ABI3BP: variants seen among roughly 807,000 people sequenced by gnomAD.
ABI3BP encodes the protein target of Nesh-SH3.
A neutral mutation model predicts 268.6 loss-of-function variants in ABI3BP; 216 were observed. The ratio of observed to expected loss-of-function variants is 0.80; its 90% CI spans 0.72 to 0.90. ABI3BP has a LOEUF of 0.90. Among genes scored for constraint, ABI3BP ranks in the 40% least tolerant of loss-of-function variants. ABI3BP has a pLI of 0.00. For missense variants in ABI3BP, 2,090 were observed against 2,182.4 expected, an observed-to-expected ratio of 0.96 and a Z score of 0.84; for synonymous variants, 730 against 730.0, an observed-to-expected ratio of 1.00 and a Z score of 0.00.
intron 4 of ABI3BP, among the ~76,000 whole-genome samples, chr3:100,888,157 G>A (rs771148752): frequency 9.9e-5 from 15 of 152,004 alleles, no homozygotes; most frequent in Non-Finnish European, 1.9e-4. Flanking sequence ...TGTGCTCAGG[G>A]CTCCATTCCC....
intron 60 of ABI3BP, 122 bp downstream of exon 60, chr3:100,775,085 A>C: frequency 8.8e-7 from 1 of 1,142,294 alleles, no homozygotes; most frequent in East Asian, 2.6e-5. Flanking sequence ...AAACAACCAT[A>C]TTAATCATAA....
chr3:100,781,474 G>A (rs551686397), intron 57 of ABI3BP, among the ~76,000 whole-genome samples: 101 of 152,244 alleles, frequency 6.6e-4, no homozygotes, highest in African/African-American at 2.1e-3. Context: ...AATGACTTTT[G>A]TGACTAATCT....
intron 41 of ABI3BP, among the ~76,000 whole-genome samples, chr3:100,818,236 G>A (rs989611249): frequency 2.0e-5 from 3 of 152,166 alleles, no homozygotes; most frequent in Non-Finnish European, 4.4e-5. Flanking sequence ...ATAGAGATTC[G>A]TGCTTGAAAT....
In ABI3BP at chr3:100,830,612, T is replaced by G. The variant is rs972988713; in HGVS notation, c.2424A>C (p.Pro808=). The G allele has an allele frequency of 1.0e-5, 16 of 1,533,226 alleles. No individual in the cohort carries two copies. Among genetic ancestry groups the G allele is most frequent in the African/African-American group, 1.4e-5 (1 of 72,954 alleles). The allele number at this position is 1,533,226 out of a possible 1,614,324, so 95.0% of individuals were successfully genotyped here. The part of the protein sequence containing the change: ...TKLVPATILE[P]VLRTEASGTT... The stretch of plus-strand genomic sequence containing the variant: ...TCCCTGAAGCCTCAGTTCTAAGAAC[T>G]GGTTCGAGGATTGTGGCAGGAACTG... The change falls in exon 32 of 68, where the codon CCA becomes CCC. Residue 808 remains proline (P), a synonymous_variant. Transcript: ENST00000471714.
Position 100,884,664 on chromosome 3 carries a change from T to G in ABI3BP, c.696+872A>C, listed in dbSNP as rs554923590. Among the ~76,000 whole-genome samples, 242 of 152,136 alleles carry G rather than the reference T, an allele frequency of 1.6e-3. 1 individual carries two copies. The highest frequency in any genetic ancestry group is 2.8e-3 in the Non-Finnish European group (187 of 67,970). The stretch of plus-strand genomic sequence containing the variant: ...TTCAGCCACACACCTCAAGCACACA[T>G]CTCAGAGAGCAAAATTCCACCCACA... On this transcript the variant is annotated intron_variant, in intron 6 of 67. Transcript: ENST00000471714.
At chr3:100,925,040 A>G (rs1156938460) in intron 2 of ABI3BP, among the ~76,000 whole-genome samples, 1 of 152,140 alleles carries the variant, frequency 6.6e-6, no homozygotes, top group Non-Finnish European at 1.5e-5. Context: ...GTGTTATTAC[A>G]TTTGTCAGAA....
At chr3:100,893,050 T>C (rs1337063206) in intron 4 of ABI3BP, among the ~76,000 whole-genome samples, 1 of 152,176 alleles carries the variant, frequency 6.6e-6, no homozygotes, top group Admixed American at 6.5e-5. Context: ...CACCATCTAA[T>C]CAGCTGACAG....
At chr3:100,849,282 G>A (rs1421980591) in intron 17 of ABI3BP, among the ~76,000 whole-genome samples, 4 of 143,840 alleles carry the variant, frequency 2.8e-5, no homozygotes, top group Non-Finnish European at 4.5e-5. Context: ...GCTGGAGTGC[G>A]TGGCGCAACC....
chr3:100,818,524 C>A lies in ABI3BP; in HGVS notation c.3088+1G>T. On this transcript the variant is annotated splice_donor_variant, in intron 41 of 67. Coordinates refer to ENST00000471714, the MANE Select transcript of ABI3BP (RefSeq NM_001375547.2). LOFTEE classifies it high-confidence loss of function. ...ATTTGAAGGACACACATTCTCATTA[C>A]CCATGGTTTTTGGAGCTTCAGTTCT... 1 of 1,533,976 alleles carries A rather than the reference C, an allele frequency of 6.5e-7. No homozygotes were observed. The highest frequency in any genetic ancestry group is 8.7e-7 in the Non-Finnish European group (1 of 1,145,066).
intron 57 of ABI3BP, among the ~76,000 whole-genome samples, chr3:100,783,052 TG>T (rs2096916266): frequency 6.6e-6 from 1 of 152,182 alleles, no homozygotes; most frequent in Non-Finnish European, 1.5e-5. Context: ...AGTAACAATT[TG>T]GGTATTTTTA....
At chr3:100,957,040 A>C (rs1002501182) in intron 1 of ABI3BP, among the ~76,000 whole-genome samples, 2 of 152,166 alleles carry the variant, frequency 1.3e-5, no homozygotes, top group Non-Finnish European at 2.9e-5. Flanking sequence ...GAAATGATTA[A>C]AATCTGATTT....
chr3:100,871,747 C>T (rs954389937), intron 9 of ABI3BP, among the ~76,000 whole-genome samples: 1 of 152,164 alleles, frequency 6.6e-6, no homozygotes, highest in Non-Finnish European at 1.5e-5. Flanking sequence ...TGTCCAGTCT[C>T]GGGTATATCT....
chr3:100,758,524 T>C (rs1336963766), intron 63 of ABI3BP, among the ~76,000 whole-genome samples: 1 of 152,196 alleles, frequency 6.6e-6, no homozygotes, highest in African/African-American at 2.4e-5. Flanking sequence ...ACACACTTGC[T>C]TTTTGCTTGT....
At chr3:100,823,550 A>T in intron 36 of ABI3BP, 36 bp from the exon 37 acceptor site, 1 of 1,495,998 alleles carries the variant, frequency 6.7e-7, no homozygotes, top group Non-Finnish European at 8.9e-7. Flanking sequence ...AGAGATTTTT[A>T]AACATATGAG....
chr3:100,840,137 C>G lies in ABI3BP; in HGVS notation c.1832G>C (p.Arg611Pro). Residue 611 changes from arginine to proline, a missense_variant, in exon 23 of 68, where the codon CGT becomes CCT. Coordinates refer to ENST00000471714, the MANE Select transcript of ABI3BP (RefSeq NM_001375547.2). ...AGGGCGGGGACGGGGGCGGGGGCGA[C>G]GACCTGGTCTTTTGGTCTTTCGTGG... ...LAPRKTKRPG[R>P]RPRPRPRPKT... 1.3e-6 allele frequency: 2 copies of G among 1,531,964 alleles called. No homozygotes were observed. The highest frequency in any genetic ancestry group is 1.7e-6 in the Non-Finnish European group (2 of 1,145,032). The allele number at this position is 1,531,964 out of a possible 1,614,324, so 94.9% of individuals were successfully genotyped here.
At chr3:100,796,196 T>G (rs116607833) in intron 52 of ABI3BP, among the ~76,000 whole-genome samples, 196 of 152,208 alleles carry the variant, frequency 1.3e-3, no homozygotes, top group Middle Eastern at 3.4e-3. Context: ...TAGCGTGATC[T>G]ACTCAATGAA....
At chr3:100,986,809 A>G (rs547314637) in intron 1 of ABI3BP, among the ~76,000 whole-genome samples, 12 of 152,322 alleles carry the variant, frequency 7.9e-5, no homozygotes, top group African/African-American at 2.9e-4. Context: ...TATATTTCAC[A>G]TGTTTATAAA....
intron 6 of ABI3BP, among the ~76,000 whole-genome samples, chr3:100,883,098 T>C (rs2040228242): frequency 6.6e-6 from 1 of 152,118 alleles, no homozygotes; most frequent in African/African-American, 2.4e-5. Context: ...CTAAGCCAAT[T>C]GGTTATTTGG....
intron 1 of ABI3BP, among the ~76,000 whole-genome samples, chr3:100,990,330 T>C (rs908830308): frequency 1.3e-5 from 2 of 152,166 alleles, no homozygotes; most frequent in African/African-American, 4.8e-5. Context: ...ATGAGATAGT[T>C]ATCATTAGTC....
Sources: gnomAD v4.1 joint callset for allele counts (sites outside exome capture counted in the v4.1 genomes callset) on GRCh38, gnomAD v4.1.1 for gene constraint, MANE v1.5 for transcripts, NCBI Gene and HGNC (gene_info 2026-07-23, HGNC 2026-07-21) for gene names.